The following NEK4 variants were observed in gnomAD, a reference collection of about 807,000 sequenced individuals.
NEK4 encodes serine/threonine-protein kinase Nek4.
NEK4 carries 86 observed loss-of-function variants against 98.4 expected under a neutral mutation model. The observed-to-expected ratio is 0.87, with a 90% CI of 0.73 to 1.05. The LOEUF (loss-of-function observed/expected upper bound fraction) is 1.05. NEK4 is among the 50% of genes least tolerant of loss of function. The pLI is 0.00. For synonymous variants in NEK4, 328 were observed against 342.2 expected (o/e 0.96, Z 0.46); for missense variants, 898 against 950.3 (o/e 0.94, Z 0.72).
chr3:52,770,634 C>T lies in NEK4; in HGVS notation c.93+20G>A. On this transcript the variant is annotated intron_variant, in intron 1 of 15. Coordinates refer to ENST00000233027, the MANE Select transcript of NEK4 (RefSeq NM_003157.6). ...ACTTCTGCCCGCCCCCGCCCCTTGCCGGGCCCCACCCCTGCAGACCTGCTT... is the reference window on the plus strand; with the variant it reads ...ACTTCTGCCCGCCCCCGCCCCTTGCTGGGCCCCACCCCTGCAGACCTGCTT... 1 of 1,532,900 alleles carries T rather than the reference C, an allele frequency of 6.5e-7. No homozygotes were observed. Among genetic ancestry groups the T allele is most frequent in the Non-Finnish European group, 8.8e-7 (1 of 1,134,030 alleles). 95.0% of individuals were successfully genotyped at this position (1,532,900 alleles called of 1,614,324 possible).
At chr3:52,721,807 G>A (rs1346394456) in intron 15 of NEK4, among the ~76,000 whole-genome samples, 1 of 151,990 alleles carries the variant, frequency 6.6e-6, no homozygotes, top group Non-Finnish European at 1.5e-5. Flanking sequence ...CATGCCCAGG[G>A]GAAAACACAG....
At position 52,768,374 on chromosome 3, in the gene NEK4, C is replaced by T. The variant is rs1250433061; in HGVS notation, c.324G>A (p.Val108=). The change falls in exon 2 of 16, where the codon GTG becomes GTA. Residue 108 remains valine (V), a synonymous_variant. Transcript: ENST00000233027. ...QKGQLLPENQ[V]VEWFVQIAMA... ...TGGCGATCTGTACAAACCACTCTACCACCTGATTCTCAGGCAGAAGCTGCC... is the reference window on the plus strand; with the variant it reads ...TGGCGATCTGTACAAACCACTCTACTACCTGATTCTCAGGCAGAAGCTGCC... 1.2e-6 allele frequency: 2 copies of T among 1,614,048 alleles called. No individual in the cohort carries two copies. The highest frequency in any genetic ancestry group is 2.7e-5 in the African/African-American group (2 of 74,940).
chr3:52,758,839 T>G (rs1179169127), intron 6 of NEK4, among the ~76,000 whole-genome samples: 2 of 152,042 alleles, frequency 1.3e-5, no homozygotes, highest in East Asian at 3.8e-4. Context: ...ATGTGGCTCA[T>G]ACCTGTAATA....
chr3:52,711,689 G>C lies in NEK4; in HGVS notation c.*88C>G. Reference sequence around the variant, plus strand: ...AAGAGATATAAAACAGTGGTGAGTGGCTTCCAAATGACTGTTTGCCCTTGC... The same window carrying C: ...AAGAGATATAAAACAGTGGTGAGTGCCTTCCAAATGACTGTTTGCCCTTGC... On this transcript the variant is annotated 3_prime_UTR_variant, in exon 16 of 16. Transcript: ENST00000233027. 1.3e-6 allele frequency: 1 copy of C among 766,060 alleles called. No individual in the cohort carries two copies. Among genetic ancestry groups the C allele is most frequent in the South Asian group, 1.6e-5 (1 of 64,446 alleles). The allele number at this position is 766,060 out of a possible 1,614,324, so 47.5% of individuals were successfully genotyped here.
intron 12 of NEK4, 103 bp from the exon 13 acceptor site, chr3:52,741,602 G>A (rs1182945222): frequency 3.0e-6 from 2 of 671,488 alleles, no homozygotes; most frequent in African/African-American, 3.7e-5. Context: ...TACGTTCCTA[G>A]GTGCAATATA....
chr3:52,734,760 A>T, intron 15 of NEK4: 1 of 231,864 alleles, frequency 4.3e-6, no homozygotes, highest in Non-Finnish European at 8.7e-6. Context: ...GGCCAAGTCT[A>T]CAACATTGAA....
intron 13 of NEK4, among the ~76,000 whole-genome samples, chr3:52,740,932 A>C (rs1428524892): frequency 6.6e-6 from 1 of 151,970 alleles, no homozygotes; most frequent in Admixed American, 6.6e-5. Context: ...CCAAAAAAAA[A>C]ATGTGAAGAA....
chr3:52,754,891 G>A (rs1010609703), intron 6 of NEK4, among the ~76,000 whole-genome samples: 1 of 152,010 alleles, frequency 6.6e-6, no homozygotes, highest in Non-Finnish European at 1.5e-5. Flanking sequence ...GGCTAACATG[G>A]TGAAACCCCG....
At chr3:52,737,967 C>T (rs1323249569) in intron 14 of NEK4, among the ~76,000 whole-genome samples, 9 of 152,092 alleles carry the variant, frequency 5.9e-5, no homozygotes, top group Admixed American at 4.6e-4. Flanking sequence ...GGGCCCACCA[C>T]CACACCCAGC....
intron 12 of NEK4, among the ~76,000 whole-genome samples, chr3:52,742,503 T>A (rs183032942): frequency 3.3e-5 from 5 of 152,250 alleles, no homozygotes; most frequent in Non-Finnish European, 7.4e-5. Flanking sequence ...GTTAAAGAAA[T>A]AATACATCCA....
chr3:52,739,655 T>C, intron 13 of NEK4, 21 bp from the exon 14 acceptor site: 1 of 1,585,756 alleles, frequency 6.3e-7, no homozygotes, highest in African/African-American at 1.3e-5. Context: ...AAAATATCCC[T>C]TTGTTATTTA....
chr3:52,765,121 C>A (rs529658390), intron 4 of NEK4, among the ~76,000 whole-genome samples: 1 of 152,004 alleles, frequency 6.6e-6, no homozygotes, highest in Admixed American at 6.6e-5. Flanking sequence ...GAGGCTGAGG[C>A]GGGCGGATCA....
At chr3:52,768,676 G>T in intron 1 of NEK4, 72 bp from the exon 2 acceptor site, 1 of 1,457,590 alleles carries the variant, frequency 6.9e-7, no homozygotes. Flanking sequence ...TTATCTAAGG[G>T]CTCTCAAGAA....
chr3:52,754,648 G>A (rs999161247), intron 6 of NEK4: 7 of 684,684 alleles, frequency 1.0e-5, no homozygotes, highest in Non-Finnish European at 1.9e-5. Context: ...GTAAAGCCTG[G>A]CTCAGTACAA....
At chr3:52,746,955 T>C (rs1294504807) in intron 8 of NEK4, 51 bp from the exon 9 acceptor site, 10 of 1,392,304 alleles carry the variant, frequency 7.2e-6, no homozygotes, top group Non-Finnish European at 1.0e-5. Context: ...CCTGGTACAT[T>C]GTAATCCAAA....
chr3:52,758,178 C>CAAAAAAAA (rs35117059), intron 6 of NEK4, among the ~76,000 whole-genome samples: 165 of 62,660 alleles, frequency 2.6e-3, no homozygotes, highest in Non-Finnish European at 2.9e-3. Flanking sequence ...GACACCATCT[C>CAAAAAAAA]AAAAAAAAAA....
At chr3:52,740,001 G>A (rs34184137) in intron 13 of NEK4, among the ~76,000 whole-genome samples, 3 of 152,108 alleles carry the variant, frequency 2.0e-5, no homozygotes, top group Non-Finnish European at 4.4e-5. Context: ...AGGAACCTTG[G>A]AGACAGTCTA....
intron 6 of NEK4, chr3:52,753,660 C>T (rs553972518): frequency 3.4e-6 from 2 of 586,282 alleles, no homozygotes; most frequent in Non-Finnish European, 3.4e-6. Context: ...CCCAAAAATG[C>T]TTTGCCCATA....
intron 10 of NEK4, 111 bp from the exon 11 acceptor site, chr3:52,744,416 T>A: frequency 1.2e-6 from 1 of 859,330 alleles, no homozygotes; most frequent in South Asian, 1.4e-5. Flanking sequence ...CTGGATGCGG[T>A]GGCTCACACT....
Sources: gnomAD v4.1 joint callset for allele counts (sites outside exome capture counted in the v4.1 genomes callset) on GRCh38, gnomAD v4.1.1 for gene constraint, MANE v1.5 for transcripts, NCBI Gene and HGNC (gene_info 2026-07-23, HGNC 2026-07-21) for gene names.